The following SYNE3 variants were observed in gnomAD, a reference collection of about 807,000 sequenced individuals.
The protein encoded by SYNE3 is nesprin-3.
SYNE3 carries 100 observed loss-of-function variants against 111.2 expected under a neutral mutation model. That is an observed-to-expected ratio of 0.90 (90% confidence interval 0.77 to 1.06). The LOEUF is 1.06. Among genes scored for constraint, SYNE3 ranks in the 50% least tolerant of loss-of-function variants. The pLI is 0.00. For missense variants in SYNE3, 1,160 were observed against 1,240.3 expected (o/e 0.94, Z 0.97); for synonymous variants, 547 against 533.9 (o/e 1.02, Z -0.34).
intron 17 of SYNE3, among the ~76,000 whole-genome samples, chr14:95,427,190 G>C (rs1350738757): frequency 6.6e-6 from 1 of 152,176 alleles, no homozygotes; most frequent in African/African-American, 2.4e-5. Flanking sequence ...CCACCAGAGG[G>C]CTCCCTGGTC....
rs531763072 is a variant in SYNE3, at chr14:95,500,367, C to T, written c.-15+16229G>A. On this transcript the variant is annotated intron_variant, in intron 1 of 17. Transcript: ENST00000682763. This position sits in a 1 kb window ranked among gnomAD's most constrained non-coding sequence, Gnocchi z 4.7. ...CCAGCCTAGGAACTGCCTTTTGTCCCGCTGCTCTCTATGGATCCCAACCTG... is the reference window on the plus strand; with the variant it reads ...CCAGCCTAGGAACTGCCTTTTGTCCTGCTGCTCTCTATGGATCCCAACCTG... 4.6e-5 allele frequency among the ~76,000 whole-genome samples: 7 copies of T among 152,304 alleles called. No individual in the cohort carries two copies. In the South Asian group the frequency reaches 1.0e-3, roughly 23 times the overall value.
intron 6 of SYNE3, among the ~76,000 whole-genome samples, 185 bp from the exon 7 acceptor site, chr14:95,452,568 T>C (rs557749980): frequency 1.3e-5 from 2 of 152,324 alleles, no homozygotes; most frequent in South Asian, 4.1e-4. Context: ...CTCCATGACC[T>C]GGAACTCAGC....
rs1181369227 is a variant in SYNE3 at position 95,433,418 on chromosome 14, A to T, written c.2539-9T>A. The stretch of plus-strand genomic sequence containing the variant: ...ACCCGAGCCTCCAGCTCCTGGGGGA[A>T]ACAGCAGCGTCATGGTGCGGCTTCC... On this transcript the variant is annotated splice_polypyrimidine_tract_variant and intron_variant, in intron 15 of 17. Coordinates refer to ENST00000682763, the MANE Select transcript of SYNE3 (RefSeq NM_152592.6). 4 of 1,613,728 alleles carry T rather than the reference A, an allele frequency of 2.5e-6. No individual in the cohort carries two copies. Among genetic ancestry groups the T allele is most frequent in the East Asian group, 4.5e-5 (2 of 44,876 alleles).
intron 1 of SYNE3, chr14:95,516,305 T>C (rs2139630490): frequency 6.6e-6 from 1 of 152,204 alleles, no homozygotes; most frequent in Admixed American, 6.5e-5. Flanking sequence ...CTTTAGGGCT[T>C]TTTCTTGTGG....
chr14:95,468,105 C>G, intron 2 of SYNE3, 138 bp from the exon 3 acceptor site: 1 of 1,081,166 alleles, frequency 9.2e-7, no homozygotes, highest in Non-Finnish European at 1.3e-6. Context: ...CCCCTGCACC[C>G]CTTCTTGTGG....
chr14:95,472,108 A>G (rs1286890010), intron 2 of SYNE3, among the ~76,000 whole-genome samples: 3 of 152,220 alleles, frequency 2.0e-5, no homozygotes, highest in South Asian at 4.1e-4. Context: ...TTTGTGGAGG[A>G]GGTGGCATTG....
chr14:95,501,414 G>A (rs952636891), intron 1 of SYNE3, among the ~76,000 whole-genome samples: 7 of 152,178 alleles, frequency 4.6e-5, no homozygotes, highest in African/African-American at 9.7e-5. Context: ...GGGAATGAAC[G>A]GATCTTTGCT....
chr14:95,439,965 G>A lies in SYNE3; in HGVS notation c.2022C>T (p.His674=). 1 of 1,614,052 alleles carries A rather than the reference G, an allele frequency of 6.2e-7. No homozygotes were observed. Among genetic ancestry groups the A allele is most frequent in the South Asian group, 1.1e-5 (1 of 91,084 alleles). Residue 674 remains histidine (H), a synonymous_variant, in exon 12 of 18, where the codon CAC becomes CAT. Transcript: ENST00000682763. ...CATCCCCCGGGCCCGCCTCTCCCCG[G>A]TGTGCCTCCAGCTTTTGCGTGGTCA... The part of the protein sequence containing the change: ...IVVTTQKLEA[H]RGEAGPGDAE...
rs530586260 is a variant in SYNE3 at position 95,416,446 on chromosome 14, G to A, written c.*1380C>T. 2 of 152,326 alleles carry A rather than the reference G, an allele frequency of 1.3e-5. No individual in the cohort carries two copies. Among genetic ancestry groups the A allele is most frequent in the South Asian group, 4.1e-4 (2 of 4,826 alleles). 9.4% of individuals were successfully genotyped at this position (152,326 alleles called of 1,614,324 possible). A position where few individuals can be genotyped will look rare whatever the true frequency, so the allele number is the denominator to read the frequency against. On this transcript the variant is annotated 3_prime_UTR_variant, in exon 18 of 18. Coordinates refer to ENST00000682763, the MANE Select transcript of SYNE3 (RefSeq NM_152592.6). ...GGGCATTAAGTACTTTTTTAAAGGGGAAAATTTAGTGTTGATTTAGGAAAA... is the reference window on the plus strand; with the variant it reads ...GGGCATTAAGTACTTTTTTAAAGGGAAAAATTTAGTGTTGATTTAGGAAAA...
Position 95,470,471 on chromosome 14 carries a change from A to G in SYNE3, c.145-2504T>C, listed in dbSNP as rs1157493051. Among the ~76,000 whole-genome samples the G allele has an allele frequency of 1.3e-5, 2 of 150,754 alleles. No individual in the cohort carries two copies. The highest frequency in any genetic ancestry group is 4.9e-5 in the African/African-American group (2 of 40,480). On this transcript the variant is annotated intron_variant, in intron 2 of 17. Coordinates refer to ENST00000682763, the MANE Select transcript of SYNE3 (RefSeq NM_152592.6). The surrounding 1 kb of genome is among the most constrained non-coding windows in gnomAD (Gnocchi z 4.2). ...GACAGTGAGGCCCCATCTCTCCAAAAGCATTTTTTTTAATTAAAAAAAAAA... is the reference window on the plus strand; with the variant it reads ...GACAGTGAGGCCCCATCTCTCCAAAGGCATTTTTTTTAATTAAAAAAAAAA...
chr14:95,462,320 T>G (rs1005976791), intron 4 of SYNE3, among the ~76,000 whole-genome samples: 29 of 152,136 alleles, frequency 1.9e-4, no homozygotes, highest in African/African-American at 6.5e-4. Context: ...GGGCTCCCTG[T>G]GAGTGAGAAC....
At chr14:95,507,658 A>C (rs1890576688) in intron 1 of SYNE3, among the ~76,000 whole-genome samples, 1 of 152,234 alleles carries the variant, frequency 6.6e-6, no homozygotes, top group African/African-American at 2.4e-5. Flanking sequence ...GCCTGAGCAA[A>C]CTTGAGTTTG....
intron 1 of SYNE3, among the ~76,000 whole-genome samples, chr14:95,509,547 C>T (rs28459875): frequency 3.3e-4 from 51 of 152,298 alleles, no homozygotes; most frequent in African/African-American, 1.2e-3. Context: ...TTAGAAATCT[C>T]CTAATCTCAA....
intron 1 of SYNE3, among the ~76,000 whole-genome samples, chr14:95,483,715 G>A (rs1263730844): frequency 6.6e-6 from 1 of 152,198 alleles, no homozygotes; most frequent in Non-Finnish European, 1.5e-5. Flanking sequence ...CTAATCCAAA[G>A]TGAGGAGCAA....
chr14:95,484,583 G>C (rs1346373109), intron 1 of SYNE3, among the ~76,000 whole-genome samples: 1 of 152,242 alleles, frequency 6.6e-6, no homozygotes, highest in African/African-American at 2.4e-5. Flanking sequence ...TGAGTGCCAT[G>C]GGCCACTGGT....
At position 95,429,923 on chromosome 14, in the gene SYNE3, C is replaced by G. The variant is rs922336244; in HGVS notation, c.2727+2156G>C. ...CAAGCAGGATGTACAGTCTACAGGA[C>G]AGGTCACTGCTCTTCTGTTCACTGA... On this transcript the variant is annotated intron_variant, in intron 17 of 17. Transcript: ENST00000682763. 2.4e-5 allele frequency: 23 copies of G among 969,486 alleles called. No individual in the cohort carries two copies. In the South Asian group the frequency reaches 5.8e-4, roughly 24 times the overall value. 60.1% of individuals were successfully genotyped at this position (969,486 alleles called of 1,614,324 possible).
intron 9 of SYNE3, 113 bp from the exon 10 acceptor site, chr14:95,444,741 T>A: frequency 7.5e-7 from 1 of 1,335,142 alleles, no homozygotes; most frequent in Non-Finnish European, 9.9e-7. Flanking sequence ...TCATGCTCAT[T>A]CAGGCGCCAC....
intron 7 of SYNE3, 165 bp downstream of exon 7, chr14:95,452,082 A>G (rs1418737444): frequency 1.3e-6 from 1 of 793,326 alleles, no homozygotes. Context: ...CAAAGGGGAC[A>G]GTGTCTGAGC....
rs967485776 is a variant in SYNE3, at chr14:95,408,180, G to A, written c.*9646C>T. 6.6e-6 allele frequency: 1 copy of A among 152,030 alleles called. No individual in the cohort carries two copies. Among genetic ancestry groups the A allele is most frequent in the Non-Finnish European group, 1.5e-5 (1 of 68,008 alleles). 9.4% of individuals were successfully genotyped at this position (152,030 alleles called of 1,614,324 possible). On this transcript the variant is annotated 3_prime_UTR_variant, in exon 18 of 18. Transcript: ENST00000682763. ...GAGACATGGGGCCCTCCCATGGGAC[G>A]GATGACAAATGAAACGAAAAAATCC...
Sources: allele counts gnomAD v4.1 joint callset (sites outside exome capture counted in the v4.1 genomes callset), GRCh38; gene constraint gnomAD v4.1.1; non-coding constraint Gnocchi (gnomAD v3.1); transcripts MANE v1.5; gene names NCBI Gene and HGNC (gene_info 2026-07-23, HGNC 2026-07-21).